GPC6: variants seen among roughly 807,000 people sequenced by gnomAD.
GPC6 encodes glypican-6.
A neutral mutation model predicts 55.2 loss-of-function variants in GPC6; 14 were observed. The ratio of observed to expected loss-of-function variants is 0.25; its 90% CI spans 0.17 to 0.40. GPC6 has a LOEUF of 0.40. GPC6 is among the 10% of genes least tolerant of loss of function. GPC6 has a pLI of 1.00. For missense variants in GPC6, 641 were observed against 708.5 expected (o/e 0.90, Z 1.08); for synonymous variants, 278 against 259.6 (o/e 1.07, Z -0.68).
chr13:93,442,492 C>T (rs755347178), intron 1 of GPC6, among the ~76,000 whole-genome samples: 21 of 152,254 alleles, frequency 1.4e-4, no homozygotes, highest in Middle Eastern at 3.4e-3. Flanking sequence ...TTTATATCAT[C>T]CTTCTACCAC....
intron 2 of GPC6, among the ~76,000 whole-genome samples, chr13:93,691,138 CT>C (rs1165693118): frequency 3.1e-4 from 47 of 152,210 alleles, no homozygotes; most frequent in African/African-American, 1.1e-3. Flanking sequence ...CACAAATATC[CT>C]TTTCTTTCAA....
chr13:93,385,554 G>A (rs910773491), intron 1 of GPC6, among the ~76,000 whole-genome samples: 3 of 152,222 alleles, frequency 2.0e-5, no homozygotes, highest in African/African-American at 7.2e-5. Flanking sequence ...AGTGGCAGTA[G>A]GGGTAGAAAG....
At chr13:94,367,553 T>C (rs1005226223) in intron 6 of GPC6, among the ~76,000 whole-genome samples, 2 of 152,224 alleles carry the variant, frequency 1.3e-5, no homozygotes, top group African/African-American at 2.4e-5. Context: ...ATTTCTGATG[T>C]CTCCCACATT....
intron 2 of GPC6, among the ~76,000 whole-genome samples, chr13:93,699,517 C>A (rs558111581): frequency 1.5e-4 from 23 of 151,994 alleles, no homozygotes; most frequent in African/African-American, 5.5e-4. Context: ...CTTGATAGAC[C>A]CATAGTCCTA....
intron 2 of GPC6, among the ~76,000 whole-genome samples, chr13:93,596,286 C>G (rs1287348856): frequency 1.3e-5 from 2 of 151,880 alleles, no homozygotes; most frequent in East Asian, 3.9e-4. Context: ...TTCAGATGGG[C>G]CAGAGGCACA....
chr13:93,773,804 C>T (rs116636281), intron 2 of GPC6, among the ~76,000 whole-genome samples: 2,526 of 152,264 alleles, frequency 0.017, 62 homozygotes, highest in African/African-American at 0.058. Flanking sequence ...CAAGAGATTG[C>T]CATTGGCTAT....
intron 1 of GPC6, among the ~76,000 whole-genome samples, chr13:93,252,143 G>T (rs556192271): frequency 6.6e-6 from 1 of 152,178 alleles, no homozygotes; most frequent in Non-Finnish European, 1.5e-5. Context: ...CAGTAGATCT[G>T]AGATGGAGCC....
chr13:93,539,314 A>G (rs929946346), intron 1 of GPC6, among the ~76,000 whole-genome samples: 2 of 151,652 alleles, frequency 1.3e-5, no homozygotes. Flanking sequence ...GAATTTCACA[A>G]CTCGCAGTGT....
rs578086147 is a variant in GPC6 at position 94,083,795 on chromosome 13, A to G, written c.877+55901A>G. On this transcript the variant is annotated intron_variant, in intron 4 of 8. Transcript: ENST00000377047. The stretch of plus-strand genomic sequence containing the variant: ...CAGGATATCCCTGCATTACAAGGGA[A>G]GTTTTAATGAGTAACTGAGTCCTGT... 1.0e-3 allele frequency among the ~76,000 whole-genome samples: 159 copies of G among 152,360 alleles called. 3 individuals are homozygous for G. Among genetic ancestry groups the G allele is most frequent in the Admixed American group, 2.0e-3 (31 of 15,304 alleles).
intron 3 of GPC6, among the ~76,000 whole-genome samples, chr13:93,877,546 G>T (rs1338627067): frequency 2.0e-5 from 3 of 151,936 alleles, no homozygotes; most frequent in African/African-American, 7.2e-5. Context: ...ATTTTACACA[G>T]ATATTATATT....
At chr13:93,265,870 G>A (rs1463498666) in intron 1 of GPC6, among the ~76,000 whole-genome samples, 3 of 151,454 alleles carry the variant, frequency 2.0e-5, no homozygotes, top group Non-Finnish European at 4.4e-5. Context: ...TTATGCGCAA[G>A]GACAACTGGC....
At chr13:94,123,689 G>C (rs564334853) in intron 4 of GPC6, among the ~76,000 whole-genome samples, 2 of 151,902 alleles carry the variant, frequency 1.3e-5, no homozygotes, top group Non-Finnish European at 2.9e-5. Context: ...ATGCATGCAC[G>C]CATATGTTTG....
chr13:94,136,634 C>T (rs923052237), intron 4 of GPC6, among the ~76,000 whole-genome samples: 3 of 152,152 alleles, frequency 2.0e-5, no homozygotes, highest in Admixed American at 1.3e-4. Context: ...GGCGTGAACC[C>T]GGGAAGCAGA....
intron 2 of GPC6, among the ~76,000 whole-genome samples, chr13:93,587,018 C>A (rs1286519213): frequency 6.6e-6 from 1 of 152,080 alleles, no homozygotes; most frequent in African/African-American, 2.4e-5. Flanking sequence ...AGTCTAAGGA[C>A]CTGGTTTTTA....
chr13:93,594,412 T>A (rs192021063), intron 2 of GPC6, among the ~76,000 whole-genome samples: 1 of 152,232 alleles, frequency 6.6e-6, no homozygotes, highest in East Asian at 1.9e-4. Flanking sequence ...AAGTGAGTTA[T>A]ACCATTTTAT....
intron 2 of GPC6, among the ~76,000 whole-genome samples, chr13:93,647,628 G>A (rs1020858483): frequency 6.6e-6 from 1 of 152,130 alleles, no homozygotes; most frequent in Non-Finnish European, 1.5e-5. Context: ...GTGCTCATGG[G>A]ATCCTGCCCA....
chr13:94,065,350 A>G lies in GPC6; in HGVS notation c.877+37456A>G, dbSNP rs570116488. Among the ~76,000 whole-genome samples the G allele has an allele frequency of 3.3e-5, 5 of 152,320 alleles. No homozygotes were observed. The East Asian group carries it at 7.7e-4, about 24-fold the overall frequency. ...CACTCAGTGCTCACTCTATGATGAGAGTATGCTGCAGAGCCCTGAGATGAA... is the reference window on the plus strand; with the variant it reads ...CACTCAGTGCTCACTCTATGATGAGGGTATGCTGCAGAGCCCTGAGATGAA... On this transcript the variant is annotated intron_variant, in intron 4 of 8. Transcript: ENST00000377047.
At chr13:93,811,976 A>G (rs932453459) in intron 2 of GPC6, among the ~76,000 whole-genome samples, 1 of 152,178 alleles carries the variant, frequency 6.6e-6, no homozygotes, top group Non-Finnish European at 1.5e-5. Context: ...GCACCAACGT[A>G]TATCAACAAT....
intron 4 of GPC6, among the ~76,000 whole-genome samples, chr13:94,096,216 A>G (rs1002365867): frequency 6.6e-6 from 1 of 152,204 alleles, no homozygotes; most frequent in Non-Finnish European, 1.5e-5. Flanking sequence ...TTTTATGGGA[A>G]TTTGTAAACT....
Sources: gnomAD v4.1 joint callset for allele counts (sites outside exome capture counted in the v4.1 genomes callset) on GRCh38, gnomAD v4.1.1 for gene constraint, MANE v1.5 for transcripts, NCBI Gene and HGNC (gene_info 2026-07-23, HGNC 2026-07-21) for gene names.